The following SYK variants were observed in gnomAD, a reference collection of about 807,000 sequenced individuals.
SYK encodes the protein spleen associated tyrosine kinase, also known as tyrosine-protein kinase SYK.
SYK carries 16 observed loss-of-function variants against 77.8 expected under a neutral mutation model. The ratio of observed to expected loss-of-function variants is 0.21; its 90% CI spans 0.14 to 0.31. The LOEUF (loss-of-function observed/expected upper bound fraction) is 0.31, where lower values mean the gene tolerates loss of function less well. Among genes scored for constraint, SYK ranks in the 10% least tolerant of loss-of-function variants. SYK has a pLI of 1.00. For synonymous variants in SYK, 312 were observed against 308.7 expected (o/e 1.01, Z -0.11); for missense variants, 529 against 814.4 (o/e 0.65, Z 4.26).
At chr9:90,856,756 ATCTC>A (rs1827053445) in intron 3 of SYK, among the ~76,000 whole-genome samples, 1 of 152,080 alleles carries the variant, frequency 6.6e-6, no homozygotes, top group South Asian at 2.1e-4. Context: ...GAGGATGTAA[ATCTC>A]TCTCTCTTTC....
At chr9:90,843,087 CA>C (rs1383286057) in intron 1 of SYK, among the ~76,000 whole-genome samples, 2 of 152,164 alleles carry the variant, frequency 1.3e-5, no homozygotes, top group Non-Finnish European at 2.9e-5. Flanking sequence ...ATCTCTTTAG[CA>C]CGGGCCCTGC....
chr9:90,810,450 G>T (rs528583576), intron 1 of SYK, among the ~76,000 whole-genome samples: 1 of 152,062 alleles, frequency 6.6e-6, no homozygotes, highest in South Asian at 2.1e-4. Flanking sequence ...TTTAAATAAG[G>T]TCACACTCAG....
chr9:90,891,091 AT>A (rs1222909341), intron 13 of SYK, among the ~76,000 whole-genome samples: 1 of 151,004 alleles, frequency 6.6e-6, no homozygotes, highest in East Asian at 2.0e-4. Context: ...CCCCACCCTA[AT>A]CTTTTATTAT....
At chr9:90,864,411 T>C (rs1470609661) in intron 4 of SYK, among the ~76,000 whole-genome samples, 178 bp from the exon 5 acceptor site, 1 of 152,196 alleles carries the variant, frequency 6.6e-6, no homozygotes, top group African/African-American at 2.4e-5. Context: ...AGAGGGGGGA[T>C]CCCTAGCTGT....
intron 1 of SYK, among the ~76,000 whole-genome samples, chr9:90,812,193 G>A (rs1034784981): frequency 6.6e-6 from 1 of 152,128 alleles, no homozygotes; most frequent in African/African-American, 2.4e-5. Context: ...CTACTTCAGT[G>A]TGCCTGCAGT....
chr9:90,803,037 T>G (rs534000809), intron 1 of SYK, among the ~76,000 whole-genome samples: 1 of 152,248 alleles, frequency 6.6e-6, no homozygotes, highest in South Asian at 2.1e-4. Flanking sequence ...CCAGTGAAAG[T>G]CCGAGCAGTG....
intron 11 of SYK, among the ~76,000 whole-genome samples, chr9:90,879,252 G>T (rs1479713347): frequency 6.6e-6 from 1 of 152,242 alleles, no homozygotes; most frequent in African/African-American, 2.4e-5. Flanking sequence ...CCTTCATTAA[G>T]TTAATTTGAA....
chr9:90,860,539 C>T (rs933853734), intron 3 of SYK, among the ~76,000 whole-genome samples: 7 of 152,082 alleles, frequency 4.6e-5, no homozygotes, highest in African/African-American at 7.2e-5. Flanking sequence ...GCTGGCAACT[C>T]GGTTGGTTTG....
At chr9:90,860,346 G>A (rs1290430011) in intron 3 of SYK, among the ~76,000 whole-genome samples, 1 of 152,214 alleles carries the variant, frequency 6.6e-6, no homozygotes, top group African/African-American at 2.4e-5. Flanking sequence ...GATATGTATA[G>A]AATAAACATA....
chr9:90,808,285 T>C (rs898209037), intron 1 of SYK, among the ~76,000 whole-genome samples: 1 of 152,126 alleles, frequency 6.6e-6, no homozygotes, highest in Non-Finnish European at 1.5e-5. Flanking sequence ...AGGAATGTAG[T>C]TACTTCTTTG....
intron 1 of SYK, among the ~76,000 whole-genome samples, chr9:90,829,066 G>A (rs1322921518): frequency 1.3e-5 from 2 of 152,300 alleles, no homozygotes; most frequent in Admixed American, 6.5e-5. Flanking sequence ...CGAGGTGGGC[G>A]GATCATGAGG....
chr9:90,843,973 A>G lies in SYK; in HGVS notation c.75A>G (p.Ala25=). Residue 25 remains alanine, a synonymous_variant, in exon 2 of 14, where the codon GCA becomes GCG. Coordinates refer to ENST00000375754, the MANE Select transcript of SYK (RefSeq NM_003177.7). ...TCGGCAACATCACCCGGGAGGAGGC[A>G]GAAGATTACCTGGTCCAGGGGGGCA... ...FFFGNITREE[A]EDYLVQGGMS... The G allele has an allele frequency of 6.2e-7, 1 of 1,600,100 alleles. No individual in the cohort carries two copies. Among genetic ancestry groups the G allele is most frequent in the Middle Eastern group, 1.7e-4 (1 of 5,988 alleles).
rs549721364 is a variant in SYK, at chr9:90,845,163, T to C, written c.418-271T>C. 6.6e-5 allele frequency among the ~76,000 whole-genome samples: 10 copies of C among 152,312 alleles called. No homozygotes were observed. The South Asian group carries it at 2.1e-3, about 32-fold the overall frequency. The stretch of plus-strand genomic sequence containing the variant: ...GCTGGCCAGGCTGGTCTCGAACTCC[T>C]GACCTCAAGTGAACCATCCTCCTTG... On this transcript the variant is annotated intron_variant, in intron 2 of 13. Coordinates refer to ENST00000375754, the MANE Select transcript of SYK (RefSeq NM_003177.7).
chr9:90,853,880 A>G (rs942303907), intron 3 of SYK, among the ~76,000 whole-genome samples: 1 of 151,046 alleles, frequency 6.6e-6, no homozygotes, highest in African/African-American at 2.5e-5. Flanking sequence ...ATAATAATAA[A>G]ATAAAATAAA....
At chr9:90,886,231 G>A (rs1415068572) in intron 11 of SYK, among the ~76,000 whole-genome samples, 2 of 152,144 alleles carry the variant, frequency 1.3e-5, no homozygotes, top group Non-Finnish European at 2.9e-5. Flanking sequence ...CCAAACAGCA[G>A]GGAAATGCAA....
intron 3 of SYK, among the ~76,000 whole-genome samples, chr9:90,860,032 A>G (rs935345105): frequency 6.6e-6 from 1 of 152,152 alleles, no homozygotes. Context: ...TCTGTTGCCC[A>G]GGCTGGAGTG....
At position 90,878,109 on chromosome 9, in the gene SYK, C is replaced by T. The variant is rs545520819; in HGVS notation, c.1391+329C>T. ...CCTTTCTCACTGGGAAGAACACTTT[C>T]TTTTTAAAGAAACATTTTAAATAAA... On this transcript the variant is annotated intron_variant, in intron 10 of 13. Transcript: ENST00000375754. Among the ~76,000 whole-genome samples the T allele has an allele frequency of 2.0e-5, 3 of 152,306 alleles. No homozygotes were observed. In the East Asian group the frequency reaches 5.8e-4, roughly 29 times the overall value.
At position 90,845,484 on chromosome 9, in the gene SYK, G is replaced by A; in HGVS notation, c.468G>A (p.Lys156=). 1 of 1,614,212 alleles carries A rather than the reference G, an allele frequency of 6.2e-7. No homozygotes were observed. The highest frequency in any genetic ancestry group is 8.5e-7 in the Non-Finnish European group (1 of 1,180,038). The stretch of plus-strand genomic sequence containing the variant: ...TCAGTCAGAAGCCTCAGCTGGAGAA[G>A]CTGATCGCTACCACAGCCCATGAAA... ...AIISQKPQLE[K]LIATTAHEKM... The change falls in exon 3 of 14, where the codon AAG becomes AAA. Residue 156 remains lysine (K), a synonymous_variant. Coordinates refer to ENST00000375754, the MANE Select transcript of SYK (RefSeq NM_003177.7).
intron 1 of SYK, among the ~76,000 whole-genome samples, chr9:90,820,545 C>T (rs988404791): frequency 8.5e-5 from 13 of 152,222 alleles, no homozygotes; most frequent in South Asian, 2.1e-4. Context: ...CTGAGCTCTA[C>T]GGTGGCCCCT....
Sources: allele counts gnomAD v4.1 joint callset (sites outside exome capture counted in the v4.1 genomes callset), GRCh38; gene constraint gnomAD v4.1.1; transcripts MANE v1.5; gene names NCBI Gene and HGNC (gene_info 2026-07-23, HGNC 2026-07-21).